PDE10A: variants seen among roughly 807,000 people sequenced by gnomAD.
The protein encoded by PDE10A is phosphodiesterase 10A, also known as cAMP and cAMP-inhibited cGMP 3',5'-cyclic phosphodiesterase 10A.
PDE10A carries 39 observed loss-of-function variants against 97.7 expected under a neutral mutation model. The observed-to-expected ratio is 0.40, with a 90% CI of 0.31 to 0.52. The LOEUF (loss-of-function observed/expected upper bound fraction) is 0.52. Ranked by LOEUF, PDE10A falls within the 20% of genes least tolerant of loss-of-function variation. The pLI, the probability that PDE10A is intolerant of heterozygous loss-of-function variation, is 0.56. For missense variants in PDE10A, 731 were observed against 1,047.8 expected (o/e 0.70, Z 4.17); for synonymous variants, 371 against 376.8 (o/e 0.98, Z 0.18).
chr6:165,657,350 A>G (rs1302387238), intron 1 of PDE10A, among the ~76,000 whole-genome samples: 2 of 152,254 alleles, frequency 1.3e-5, no homozygotes, highest in East Asian at 1.9e-4. Flanking sequence ...CAGCTGGAGG[A>G]GCCTAATTTA....
chr6:165,726,809 TA>T (rs35538899), intron 1 of PDE10A, among the ~76,000 whole-genome samples: 42,978 of 152,176 alleles, frequency 0.28, 6,402 homozygotes, highest in East Asian at 0.47. Flanking sequence ...TTCAGCGTCT[TA>T]ACCAGCCCAG....
In PDE10A at chr6:165,377,385, T is replaced by C. The variant is rs1025817283; in HGVS notation, c.2783+1809A>G. Among the ~76,000 whole-genome samples the C allele has an allele frequency of 6.3e-4, 96 of 152,270 alleles. 1 individual carries two copies. The highest frequency in any genetic ancestry group is 2.2e-3 in the African/African-American group (90 of 41,568). On this transcript the variant is annotated intron_variant, in intron 18 of 21. Transcript: ENST00000539869. ...AATATTACTCTTTTTTATACCTCTATATTATTTGAATTATTAAAACAAACA... is the reference window on the plus strand; with the variant it reads ...AATATTACTCTTTTTTATACCTCTACATTATTTGAATTATTAAAACAAACA...
At chr6:165,987,005 G>T (rs1785243252) in intron 1 of PDE10A, among the ~76,000 whole-genome samples, 1 of 152,172 alleles carries the variant, frequency 6.6e-6, no homozygotes, top group African/African-American at 2.4e-5. Flanking sequence ...GGCGGCAGAG[G>T]CGAGGATCAA....
chr6:165,806,654 C>CG (rs541921495), intron 1 of PDE10A, among the ~76,000 whole-genome samples: 1 of 151,800 alleles, frequency 6.6e-6, no homozygotes, highest in African/African-American at 2.4e-5. Context: ...TGAGCGCCCC[C>CG]CCCCAGGCTC....
At chr6:165,563,186 C>T (rs1583547295) in intron 1 of PDE10A, among the ~76,000 whole-genome samples, 1 of 105,620 alleles carries the variant, frequency 9.5e-6, no homozygotes, top group Non-Finnish European at 1.8e-5. Flanking sequence ...GGGGGAGGGG[C>T]AGGGGAGAGG....
chr6:165,594,042 A>C (rs778005413), intron 1 of PDE10A, among the ~76,000 whole-genome samples: 17 of 152,230 alleles, frequency 1.1e-4, no homozygotes, highest in Non-Finnish European at 1.8e-4. Flanking sequence ...ATCCTATGGT[A>C]CTGGATTTGA....
chr6:165,479,841 G>A (rs1440115538), intron 3 of PDE10A, among the ~76,000 whole-genome samples: 1 of 152,170 alleles, frequency 6.6e-6, no homozygotes, highest in Non-Finnish European at 1.5e-5. Context: ...AGAGAAAAGG[G>A]AAGGGGAAGA....
chr6:165,423,010 G>A (rs569230199), intron 10 of PDE10A, among the ~76,000 whole-genome samples: 2 of 152,244 alleles, frequency 1.3e-5, no homozygotes, highest in South Asian at 4.2e-4. Flanking sequence ...TATAAACACT[G>A]ATTATTTATT....
At position 165,329,002 on chromosome 6, in the gene PDE10A, T is replaced by C. The variant is rs1781197902; in HGVS notation, c.*4023A>G. 1 of 152,238 alleles carries C rather than the reference T, an allele frequency of 6.6e-6. No individual in the cohort carries two copies. The allele number at this position is 152,238 out of a possible 1,614,324, so 9.4% of individuals were successfully genotyped here. On this transcript the variant is annotated 3_prime_UTR_variant, in exon 22 of 22. Coordinates refer to ENST00000539869, the MANE Select transcript of PDE10A (RefSeq NM_001385079.1). ...GGATGACATACTTGGCTGATTTACATTTTACATAATTTAAAAATCAGATGA... is the reference window on the plus strand; with the variant it reads ...GGATGACATACTTGGCTGATTTACACTTTACATAATTTAAAAATCAGATGA...
chr6:165,799,259 A>G (rs1778914973), intron 1 of PDE10A, among the ~76,000 whole-genome samples: 1 of 152,154 alleles, frequency 6.6e-6, no homozygotes, highest in South Asian at 2.1e-4. Context: ...AGAAAAACAG[A>G]TGGAGGAAGA....
intron 1 of PDE10A, among the ~76,000 whole-genome samples, chr6:165,552,611 C>T (rs4709949): frequency 0.039 from 5,963 of 152,240 alleles, 196 homozygotes; most frequent in Admixed American, 0.099. Context: ...CACTGTTAGA[C>T]GTCACTGCTG....
intron 1 of PDE10A, among the ~76,000 whole-genome samples, chr6:165,583,588 A>G (rs980045022): frequency 6.6e-6 from 1 of 152,230 alleles, no homozygotes; most frequent in African/African-American, 2.4e-5. Flanking sequence ...GAGGTATGAC[A>G]GTGGACCCAC....
intron 1 of PDE10A, among the ~76,000 whole-genome samples, chr6:165,769,888 T>G (rs972720977): frequency 6.6e-6 from 1 of 152,166 alleles, no homozygotes; most frequent in Non-Finnish European, 1.5e-5. Flanking sequence ...ATATAATATC[T>G]AAAGACTTGG....
intron 1 of PDE10A, among the ~76,000 whole-genome samples, chr6:165,611,603 A>T (rs1335918879): frequency 6.6e-6 from 1 of 152,222 alleles, no homozygotes; most frequent in African/African-American, 2.4e-5. Flanking sequence ...CTCTCTCTCA[A>T]CTTAACCTCT....
chr6:165,895,596 C>T (rs994765094), intron 1 of PDE10A, among the ~76,000 whole-genome samples: 9 of 152,200 alleles, frequency 5.9e-5, no homozygotes, highest in Admixed American at 6.5e-5. Flanking sequence ...ACAAAGTCCT[C>T]ACTCCATAAG....
intron 1 of PDE10A, among the ~76,000 whole-genome samples, chr6:165,943,723 T>G (rs1441366730): frequency 6.6e-6 from 1 of 152,258 alleles, no homozygotes; most frequent in Non-Finnish European, 1.5e-5. Flanking sequence ...AAGGATCTTC[T>G]TTATTCAGTG....
chr6:165,517,380 T>C (rs1343217995), intron 2 of PDE10A, among the ~76,000 whole-genome samples: 2 of 152,172 alleles, frequency 1.3e-5, no homozygotes, highest in Non-Finnish European at 2.9e-5. Context: ...TAAGACAAGA[T>C]AGTTCAACAC....
rs1368663716 is a variant in PDE10A at position 165,429,964 on chromosome 6, T to G, written c.1601+323A>C. ...TTTGGAAGAAAATAAACCAGAATAT[T>G]TTCCCTCCTACTGTAGCCAGTATTC... On this transcript the variant is annotated intron_variant, in intron 9 of 21. Transcript: ENST00000539869. Among the ~76,000 whole-genome samples the G allele has an allele frequency of 3.9e-5, 6 of 152,062 alleles. No homozygotes were observed. The East Asian group carries it at 9.6e-4, about 24-fold the overall frequency.
At chr6:165,370,371 A>T (rs1784146677) in intron 18 of PDE10A, among the ~76,000 whole-genome samples, 1 of 147,026 alleles carries the variant, frequency 6.8e-6, no homozygotes, top group South Asian at 2.3e-4. Context: ...TCAAAATAAA[A>T]GGATGGAGGA....
Sources: allele counts gnomAD v4.1 joint callset (sites outside exome capture counted in the v4.1 genomes callset), GRCh38; gene constraint gnomAD v4.1.1; transcripts MANE v1.5; gene names NCBI Gene and HGNC (gene_info 2026-07-23, HGNC 2026-07-21).